The following NELL1 variants were observed in gnomAD, a reference collection of about 807,000 sequenced individuals.
NELL1 encodes the protein protein kinase C-binding protein NELL1.
Under a neutral mutation model 107.4 loss-of-function variants are expected in NELL1, and 76 were observed. That is an observed-to-expected ratio of 0.71 (90% confidence interval 0.59 to 0.86). NELL1 has a LOEUF of 0.86. Ranked by LOEUF, NELL1 falls within the 40% of genes least tolerant of loss-of-function variation. The pLI is 0.00. For missense variants in NELL1, 1,024 were observed against 1,005.5 expected, an observed-to-expected ratio of 1.02 and a Z score of -0.25; for synonymous variants, 353 against 341.2, an observed-to-expected ratio of 1.03 and a Z score of -0.38.
At chr11:20,875,873 G>T (rs1476092123) in intron 4 of NELL1, among the ~76,000 whole-genome samples, 1 of 152,196 alleles carries the variant, frequency 6.6e-6, no homozygotes, top group East Asian at 1.9e-4. Context: ...GTGAAATTCA[G>T]TTGCTGGGCA....
At chr11:21,533,637 A>G (rs1299962140) in intron 15 of NELL1, among the ~76,000 whole-genome samples, 2 of 152,168 alleles carry the variant, frequency 1.3e-5, no homozygotes, top group Admixed American at 6.6e-5. Context: ...GCCAGAGCCT[A>G]GACAAAAACA....
At position 20,687,272 on chromosome 11, in the gene NELL1, G is replaced by A. The variant is rs566729349; in HGVS notation, c.184+9212G>A. 2.6e-5 allele frequency among the ~76,000 whole-genome samples: 4 copies of A among 152,022 alleles called. No homozygotes were observed. In the East Asian group the frequency reaches 5.8e-4, roughly 22 times the overall value. ...GAATATTTTGATATAGGCATACAAT[G>A]TGTAATAATGGTCAGATATTAATGT... On this transcript the variant is annotated intron_variant, in intron 2 of 19. Coordinates refer to ENST00000357134, the MANE Select transcript of NELL1 (RefSeq NM_006157.5).
intron 1 of NELL1, among the ~76,000 whole-genome samples, chr11:20,673,419 A>G (rs1196968648): frequency 7.2e-6 from 1 of 139,590 alleles, no homozygotes; most frequent in East Asian, 2.4e-4. Flanking sequence ...TTTAGTCTGC[A>G]TGGTCCAGAG....
intron 14 of NELL1, among the ~76,000 whole-genome samples, chr11:21,312,343 A>AT (rs5790173): frequency 0.85 from 125,979 of 148,474 alleles, 53,725 homozygotes; most frequent in Non-Finnish European, 0.9. Flanking sequence ...TTTAGAAAGG[A>AT]TTTTTTTTTT....
chr11:21,422,875 A>G (rs377031949), intron 15 of NELL1, among the ~76,000 whole-genome samples: 10 of 152,324 alleles, frequency 6.6e-5, no homozygotes, highest in African/African-American at 2.4e-4. Flanking sequence ...AATCTCTCCA[A>G]TCAAGAGATA....
At chr11:21,475,161 T>C (rs1002191215) in intron 15 of NELL1, among the ~76,000 whole-genome samples, 1 of 152,226 alleles carries the variant, frequency 6.6e-6, no homozygotes, top group African/African-American at 2.4e-5. Context: ...CTTTGCCTTA[T>C]GTTAACATTG....
At chr11:21,466,880 G>C (rs1433616486) in intron 15 of NELL1, among the ~76,000 whole-genome samples, 1 of 151,846 alleles carries the variant, frequency 6.6e-6, no homozygotes, top group Non-Finnish European at 1.5e-5. Flanking sequence ...AGATGTTGAA[G>C]ACTTGTCCCG....
chr11:20,726,070 A>G (rs1855501063), intron 2 of NELL1, among the ~76,000 whole-genome samples: 1 of 152,160 alleles, frequency 6.6e-6, no homozygotes, highest in Non-Finnish European at 1.5e-5. Flanking sequence ...TGCAAAGGAC[A>G]TGATTTCGGT....
chr11:20,791,980 A>G (rs1208975736), intron 3 of NELL1, among the ~76,000 whole-genome samples: 1 of 152,104 alleles, frequency 6.6e-6, no homozygotes, highest in Non-Finnish European at 1.5e-5. Flanking sequence ...GCTATGTTCC[A>G]TAATCCTTTT....
intron 2 of NELL1, among the ~76,000 whole-genome samples, chr11:20,721,724 G>A (rs965298774): frequency 1.3e-5 from 2 of 152,096 alleles, no homozygotes; most frequent in African/African-American, 2.4e-5. Flanking sequence ...AGAAAAGTTC[G>A]GGGAGATAGT....
At chr11:21,286,670 A>G (rs1466170885) in intron 14 of NELL1, among the ~76,000 whole-genome samples, 2 of 152,230 alleles carry the variant, frequency 1.3e-5, no homozygotes, top group Non-Finnish European at 2.9e-5. Flanking sequence ...TCTGTTAAAG[A>G]TGGTCATTTT....
At chr11:21,465,080 G>C (rs1335086970) in intron 15 of NELL1, among the ~76,000 whole-genome samples, 4 of 152,124 alleles carry the variant, frequency 2.6e-5, no homozygotes, top group Middle Eastern at 3.4e-3. Context: ...GTGAGTACAC[G>C]AAGGAATACC....
intron 13 of NELL1, among the ~76,000 whole-genome samples, chr11:21,134,985 G>T (rs58309207): frequency 1.3e-5 from 2 of 152,124 alleles, no homozygotes; most frequent in African/African-American, 2.4e-5. Flanking sequence ...GTAAAAGACC[G>T]AATGCCTAGC....
intron 12 of NELL1, among the ~76,000 whole-genome samples, chr11:20,975,662 AAT>A (rs1564995135): frequency 9.5e-6 from 1 of 105,800 alleles, no homozygotes; most frequent in African/African-American, 4.3e-5. Context: ...TGTATTATAT[AAT>A]ATACATATTA....
chr11:21,198,596 T>C (rs1857202485), intron 13 of NELL1, among the ~76,000 whole-genome samples: 1 of 152,300 alleles, frequency 6.6e-6, no homozygotes, highest in South Asian at 2.1e-4. Flanking sequence ...AAAAGCAACA[T>C]TGGCCCATAG....
chr11:21,314,477 T>G (rs1373382115), intron 14 of NELL1, among the ~76,000 whole-genome samples: 4 of 152,156 alleles, frequency 2.6e-5, no homozygotes, highest in Non-Finnish European at 5.9e-5. Context: ...AATAAGGCAC[T>G]TTAGCATAAC....
At chr11:21,203,372 G>A (rs767365373) in intron 13 of NELL1, among the ~76,000 whole-genome samples, 1 of 148,334 alleles carries the variant, frequency 6.7e-6, no homozygotes, top group Non-Finnish European at 1.5e-5. Context: ...TTACCATTAT[G>A]TAATGCCCTT....
chr11:21,328,157 C>T (rs549267302), intron 14 of NELL1, among the ~76,000 whole-genome samples: 1 of 152,296 alleles, frequency 6.6e-6, no homozygotes, highest in East Asian at 1.9e-4. Flanking sequence ...CCTCCCATCA[C>T]AGGCCTGGAG....
chr11:20,675,896 C>T (rs190959105), intron 1 of NELL1, among the ~76,000 whole-genome samples: 31 of 151,986 alleles, frequency 2.0e-4, no homozygotes, highest in Admixed American at 1.6e-3. Context: ...CATAGGTGTA[C>T]GCCACCATGC....
Sources: gnomAD v4.1 joint callset for allele counts (sites outside exome capture counted in the v4.1 genomes callset) on GRCh38, gnomAD v4.1.1 for gene constraint, MANE v1.5 for transcripts, NCBI Gene and HGNC (gene_info 2026-07-23, HGNC 2026-07-21) for gene names.